NTN1: variants seen among roughly 807,000 people sequenced by gnomAD.
The protein encoded by NTN1 is netrin 1.
NTN1 carries 11 observed loss-of-function variants against 54.2 expected under a neutral mutation model. The ratio of observed to expected loss-of-function variants is 0.20; its 90% CI spans 0.13 to 0.34. NTN1 has a LOEUF of 0.34. Ranked by LOEUF, NTN1 falls within the 10% of genes least tolerant of loss-of-function variation. The pLI is 1.00. For missense variants in NTN1, 740 were observed against 893.1 expected (o/e 0.83, Z 2.18); for synonymous variants, 371 against 382.0 (o/e 0.97, Z 0.33).
intron 5 of NTN1, among the ~76,000 whole-genome samples, chr17:9,191,012 T>C (rs1904439423): frequency 6.6e-6 from 1 of 152,216 alleles, no homozygotes; most frequent in Non-Finnish European, 1.5e-5. Context: ...ATATGCTGTA[T>C]ATCACCAATG....
intron 2 of NTN1, among the ~76,000 whole-genome samples, chr17:9,032,751 C>T (rs1462148925): frequency 1.2e-4 from 19 of 152,196 alleles, no homozygotes; most frequent in Non-Finnish European, 4.4e-5. Context: ...CTACCCTCAG[C>T]CCTTTGGCCA....
intron 2 of NTN1, among the ~76,000 whole-genome samples, chr17:9,107,804 C>G (rs1012917372): frequency 3.9e-5 from 6 of 152,216 alleles, no homozygotes; most frequent in Admixed American, 2.6e-4. Context: ...GTGACAAAAA[C>G]TGCATGGGCC....
chr17:9,221,595 A>G lies in NTN1; in HGVS notation c.1486+353A>G, dbSNP rs78503237. 8.7e-3 allele frequency among the ~76,000 whole-genome samples: 1,330 copies of G among 152,152 alleles called. 25 individuals are homozygous for G. Among genetic ancestry groups the G allele is most frequent in the African/African-American group, 0.03 (1,264 of 41,506 alleles). ...GTCTGCATCATACTGCGGGGATTTG[A>G]CCCGAGTCCACGTGGCTCAAAGGGA... On this transcript the variant is annotated intron_variant, in intron 6 of 6. Coordinates refer to ENST00000173229, the MANE Select transcript of NTN1 (RefSeq NM_004822.3). The surrounding 1 kb of genome is among the most constrained non-coding windows in gnomAD (Gnocchi z 4.5).
chr17:9,097,944 G>T (rs2092137332), intron 2 of NTN1, among the ~76,000 whole-genome samples: 1 of 150,702 alleles, frequency 6.6e-6, no homozygotes, highest in South Asian at 2.1e-4. Context: ...GCTCCTAATT[G>T]ACTTACTCTG....
At chr17:9,038,606 C>G (rs535660178) in intron 2 of NTN1, among the ~76,000 whole-genome samples, 2 of 152,214 alleles carry the variant, frequency 1.3e-5, no homozygotes, top group African/African-American at 4.8e-5. Flanking sequence ...GGCATTAAAG[C>G]CTGTTTCCAG....
intron 3 of NTN1, chr17:9,177,876 C>G (rs949477202): frequency 6.6e-6 from 1 of 152,240 alleles, no homozygotes; most frequent in Non-Finnish European, 1.5e-5. Flanking sequence ...TAGGGTACAT[C>G]TAAGAAGACA....
intron 5 of NTN1, 46 bp downstream of exon 5, chr17:9,183,015 T>C (rs767114064): frequency 7.0e-7 from 1 of 1,426,112 alleles, no homozygotes; most frequent in Non-Finnish European, 9.8e-7. Context: ...TGCTGGGTGG[T>C]GGGGTGGTGG....
At chr17:9,164,879 C>T (rs1028315996) in intron 3 of NTN1, among the ~76,000 whole-genome samples, 3 of 152,110 alleles carry the variant, frequency 2.0e-5, no homozygotes, top group African/African-American at 4.8e-5. Context: ...CAAAGGGACC[C>T]GAGAAACATC....
At chr17:9,097,352 C>T (rs11078782) in intron 2 of NTN1, among the ~76,000 whole-genome samples, 71,705 of 152,002 alleles carry the variant, frequency 0.47, 18,325 homozygotes, top group East Asian at 0.95. Flanking sequence ...ATTCTGGGCG[C>T]GGTGGCTCAA....
At chr17:9,048,846 G>A (rs370334345) in intron 2 of NTN1, among the ~76,000 whole-genome samples, 1 of 152,110 alleles carries the variant, frequency 6.6e-6, no homozygotes, top group Non-Finnish European at 1.5e-5. Context: ...AGTAGAGATG[G>A]GGTTTCACCA....
intron 6 of NTN1, among the ~76,000 whole-genome samples, chr17:9,227,840 AT>A (rs1905649997): frequency 6.7e-6 from 1 of 149,924 alleles, no homozygotes; most frequent in Non-Finnish European, 1.5e-5. Context: ...TACCACACGC[AT>A]TATCGCACAC....
At chr17:9,234,936 GT>G (rs913113866) in intron 6 of NTN1, among the ~76,000 whole-genome samples, 4 of 147,426 alleles carry the variant, frequency 2.7e-5, no homozygotes, top group East Asian at 2.0e-4. Context: ...AATTTGTTGG[GT>G]TTTTTTTGTC....
chr17:9,116,471 G>T (rs187593883), intron 2 of NTN1, among the ~76,000 whole-genome samples: 1 of 152,268 alleles, frequency 6.6e-6, no homozygotes, highest in African/African-American at 2.4e-5. Flanking sequence ...ATGGTGGAGG[G>T]CACCCTTCTG....
At chr17:9,198,236 A>G (rs972012224) in intron 5 of NTN1, among the ~76,000 whole-genome samples, 1 of 152,200 alleles carries the variant, frequency 6.6e-6, no homozygotes, top group African/African-American at 2.4e-5. Context: ...CCTCAGCCTG[A>G]TCACGCGGGA....
chr17:9,143,032 C>T (rs1003007769), intron 2 of NTN1, among the ~76,000 whole-genome samples: 10 of 152,192 alleles, frequency 6.6e-5, no homozygotes, highest in African/African-American at 2.4e-4. Context: ...GGGCAGGCCT[C>T]GCTGGGAAGT....
chr17:9,092,141 C>T (rs1227962166), intron 2 of NTN1, among the ~76,000 whole-genome samples: 3 of 151,454 alleles, frequency 2.0e-5, no homozygotes, highest in Non-Finnish European at 2.9e-5. Flanking sequence ...CCTCCTGCCT[C>T]GGCCTCCCAA....
At chr17:9,121,467 C>T (rs964893026) in intron 2 of NTN1, among the ~76,000 whole-genome samples, 2 of 152,126 alleles carry the variant, frequency 1.3e-5, no homozygotes, top group African/African-American at 2.4e-5. Context: ...TTCCCACTCA[C>T]CCCCGGTGCT....
At chr17:9,039,998 A>C (rs1315180881) in intron 2 of NTN1, among the ~76,000 whole-genome samples, 2 of 152,226 alleles carry the variant, frequency 1.3e-5, no homozygotes, top group Non-Finnish European at 2.9e-5. Flanking sequence ...CTCTTGGGCA[A>C]ATACCTAAGA....
At chr17:9,183,615 A>T (rs1244944392) in intron 5 of NTN1, 2 of 253,546 alleles carry the variant, frequency 7.9e-6, no homozygotes, top group African/African-American at 4.7e-5. Context: ...AAGTTACTAG[A>T]CCTGCTGCTA....
Sources: gnomAD v4.1 joint callset for allele counts (sites outside exome capture counted in the v4.1 genomes callset) on GRCh38, gnomAD v4.1.1 for gene constraint, Gnocchi (gnomAD v3.1) non-coding constraint, MANE v1.5 for transcripts, NCBI Gene and HGNC (gene_info 2026-07-23, HGNC 2026-07-21) for gene names.